CDKAL1: variants seen among roughly 807,000 people sequenced by gnomAD.
CDKAL1 encodes the protein threonylcarbamoyladenosine tRNA methylthiotransferase.
A neutral mutation model predicts 68.2 loss-of-function variants in CDKAL1; 32 were observed. That is an observed-to-expected ratio of 0.47 (90% CI 0.35 to 0.63). The LOEUF (loss-of-function observed/expected upper bound fraction) is 0.63. Ranked by LOEUF, CDKAL1 falls within the 30% of genes least tolerant of loss-of-function variation. The pLI is 0.00. For synonymous variants in CDKAL1, 234 were observed against 244.3 expected, an observed-to-expected ratio of 0.96 and a Z score of 0.39; for missense variants, 606 against 696.7, an observed-to-expected ratio of 0.87 and a Z score of 1.47.
chr6:20,738,168 C>T (rs1478377499), intron 5 of CDKAL1, among the ~76,000 whole-genome samples: 1 of 152,130 alleles, frequency 6.6e-6, no homozygotes, highest in African/African-American at 2.4e-5. Context: ...GTACATAACA[C>T]GCAGTGCCCA....
Position 20,667,387 on chromosome 6 carries a change from A to G in CDKAL1, c.371+18010A>G, listed in dbSNP as rs575075382. On this transcript the variant is annotated intron_variant, in intron 5 of 15. Transcript: ENST00000274695. ...GTGTGGTAATGCTTCTTTGTTGACAATGATACCTGAATGGGTGCGAATGTA... is the reference window on the plus strand; with the variant it reads ...GTGTGGTAATGCTTCTTTGTTGACAGTGATACCTGAATGGGTGCGAATGTA... Among the ~76,000 whole-genome samples, 6 of 152,302 alleles carry G rather than the reference A, an allele frequency of 3.9e-5. No individual in the cohort carries two copies. In the South Asian group the frequency reaches 8.3e-4, roughly 21 times the overall value.
intron 9 of CDKAL1, among the ~76,000 whole-genome samples, chr6:20,869,642 T>G (rs1760094067): frequency 6.6e-6 from 1 of 152,178 alleles, no homozygotes; most frequent in African/African-American, 2.4e-5. Flanking sequence ...TTATATATTG[T>G]GTAAGGAAGT....
intron 13 of CDKAL1, among the ~76,000 whole-genome samples, chr6:21,176,760 T>C (rs1011028744): frequency 1.4e-5 from 2 of 146,794 alleles, no homozygotes; most frequent in African/African-American, 2.6e-5. Context: ...AGTGGCACGA[T>C]CTTGGCTCAG....
intron 10 of CDKAL1, among the ~76,000 whole-genome samples, chr6:20,988,608 G>T (rs1269191458): frequency 7.2e-5 from 11 of 151,908 alleles, no homozygotes; most frequent in East Asian, 3.9e-4. Flanking sequence ...AGTTAGGGGG[G>T]AAAAGAGACT....
intron 9 of CDKAL1, among the ~76,000 whole-genome samples, chr6:20,940,872 C>T (rs1191318821): frequency 2.0e-5 from 3 of 152,090 alleles, no homozygotes; most frequent in Admixed American, 6.6e-5. Context: ...GGGCAGATCA[C>T]GAGGTCAGGA....
chr6:21,123,039 C>G (rs1003813373), intron 13 of CDKAL1, among the ~76,000 whole-genome samples: 1 of 152,110 alleles, frequency 6.6e-6, no homozygotes, highest in African/African-American at 2.4e-5. Context: ...TATAGATGTA[C>G]ATGCTGTGTA....
intron 5 of CDKAL1, among the ~76,000 whole-genome samples, chr6:20,712,666 A>T (rs928024976): frequency 1.3e-5 from 2 of 151,226 alleles, no homozygotes; most frequent in Non-Finnish European, 2.9e-5. Context: ...TTTTTTTGAG[A>T]TGGAGTCTCA....
At chr6:20,584,183 A>T (rs1765250585) in intron 4 of CDKAL1, among the ~76,000 whole-genome samples, 1 of 151,736 alleles carries the variant, frequency 6.6e-6, no homozygotes, top group African/African-American at 2.4e-5. Context: ...TTATTTTAAT[A>T]CCTGTTCAGA....
At chr6:20,803,771 A>C (rs1456023342) in intron 8 of CDKAL1, among the ~76,000 whole-genome samples, 2 of 152,158 alleles carry the variant, frequency 1.3e-5, no homozygotes, top group Non-Finnish European at 2.9e-5. Flanking sequence ...GAATGGCAGA[A>C]ATAGAAAATA....
intron 9 of CDKAL1, among the ~76,000 whole-genome samples, chr6:20,901,350 C>T (rs1027218831): frequency 1.3e-5 from 2 of 151,924 alleles, no homozygotes; most frequent in Admixed American, 6.6e-5. Flanking sequence ...ACAAATTGGA[C>T]ATAACTATGT....
At chr6:20,835,218 A>G (rs956778624) in intron 8 of CDKAL1, among the ~76,000 whole-genome samples, 8 of 152,198 alleles carry the variant, frequency 5.3e-5, no homozygotes, top group Non-Finnish European at 7.3e-5. Flanking sequence ...TGTTTCACAG[A>G]TGTATTCATA....
chr6:21,182,294 C>T (rs975018411), intron 13 of CDKAL1, among the ~76,000 whole-genome samples: 2 of 152,142 alleles, frequency 1.3e-5, no homozygotes, highest in Non-Finnish European at 2.9e-5. Context: ...GGTTTCAGTG[C>T]TTGACAGTAT....
At chr6:21,193,007 C>T (rs369844815) in intron 13 of CDKAL1, among the ~76,000 whole-genome samples, 2 of 151,594 alleles carry the variant, frequency 1.3e-5, no homozygotes, top group Admixed American at 6.6e-5. Flanking sequence ...TTTGTAGAAA[C>T]GAGGTCTTGC....
chr6:20,991,477 G>A (rs1357856562), intron 10 of CDKAL1, among the ~76,000 whole-genome samples: 2 of 152,020 alleles, frequency 1.3e-5, no homozygotes, highest in African/African-American at 4.8e-5. Flanking sequence ...GATGGCAGAC[G>A]TGGGTGGGTC....
intron 9 of CDKAL1, among the ~76,000 whole-genome samples, chr6:20,945,065 C>T (rs1425903412): frequency 2.1e-5 from 1 of 46,938 alleles, no homozygotes; most frequent in South Asian, 1.3e-3. Context: ...TATGTGCACA[C>T]ACACGTACAC....
intron 6 of CDKAL1, among the ~76,000 whole-genome samples, chr6:20,750,738 C>T (rs1341741962): frequency 2.0e-5 from 3 of 151,924 alleles, no homozygotes; most frequent in Non-Finnish European, 4.4e-5. Context: ...CCGAGGCGGG[C>T]AGATCACTTG....
At chr6:21,178,576 T>A (rs1005972994) in intron 13 of CDKAL1, among the ~76,000 whole-genome samples, 1 of 152,186 alleles carries the variant, frequency 6.6e-6, no homozygotes. Context: ...GATCACATGG[T>A]GAAAGGTGAT....
chr6:20,559,859 T>A (rs193032515), intron 4 of CDKAL1, among the ~76,000 whole-genome samples: 52 of 152,338 alleles, frequency 3.4e-4, no homozygotes, highest in Non-Finnish European at 6.3e-4. Flanking sequence ...TGTGAAATAT[T>A]TTTGGGATAA....
chr6:20,981,689 G>A (rs1404224226), intron 10 of CDKAL1, among the ~76,000 whole-genome samples: 1 of 152,130 alleles, frequency 6.6e-6, no homozygotes, highest in African/African-American at 2.4e-5. Flanking sequence ...AAAATACGAA[G>A]AATTAGCTGG....
Sources: allele counts gnomAD v4.1 joint callset (sites outside exome capture counted in the v4.1 genomes callset), GRCh38; gene constraint gnomAD v4.1.1; transcripts MANE v1.5; gene names NCBI Gene and HGNC (gene_info 2026-07-23, HGNC 2026-07-21).